Variants in ABCG8 observed in about 807,000 individuals in gnomAD.
The protein encoded by ABCG8 is ATP binding cassette subfamily G member 8.
Under a neutral mutation model 71.3 loss-of-function variants are expected in ABCG8, and 81 were observed. That is an observed-to-expected ratio of 1.14 (90% CI 0.95 to 1.37). The LOEUF (loss-of-function observed/expected upper bound fraction) is 1.37. Ranked by LOEUF, ABCG8 falls within the 40% of genes most tolerant of loss-of-function variation. The pLI is 0.00. For synonymous variants in ABCG8, 451 were observed against 354.7 expected, an observed-to-expected ratio of 1.27 and a Z score of -3.05; for missense variants, 1,119 against 866.2, an observed-to-expected ratio of 1.29 and a Z score of -3.66.
intron 6 of ABCG8, among the ~76,000 whole-genome samples, chr2:43,862,810 T>C (rs1669374347): frequency 6.6e-6 from 1 of 150,860 alleles, no homozygotes; most frequent in Admixed American, 6.6e-5. Flanking sequence ...ATTCTGATAA[T>C]CTGGTTAGCA....
rs1005004140 is a variant in ABCG8 at position 43,882,354 on chromosome 2, G to C, written c.*4441G>C. 6.6e-6 allele frequency: 1 copy of C among 152,322 alleles called. No homozygotes were observed. The highest frequency in any genetic ancestry group is 1.9e-4 in the East Asian group (1 of 5,192). 9.4% of individuals were successfully genotyped at this position (152,322 alleles called of 1,614,324 possible). A position where few individuals can be genotyped will look rare whatever the true frequency, so the allele number is the denominator to read the frequency against. The stretch of plus-strand genomic sequence containing the variant: ...AGTGTTAACAGACCTGGGACCAGGG[G>C]TTCCTCATAGTGGCTTAGCACAGCA... On this transcript the variant is annotated 3_prime_UTR_variant, in exon 13 of 13. Transcript: ENST00000272286.
Position 43,875,262 on chromosome 2 carries a change from G to A in ABCG8, c.1605G>A (p.Val535=). 4.3e-6 allele frequency: 7 copies of A among 1,614,236 alleles called. No homozygotes were observed. Among genetic ancestry groups the A allele is most frequent in the Non-Finnish European group, 5.9e-6 (7 of 1,180,038 alleles). The change falls in exon 11 of 13, where the codon GTG becomes GTA. Residue 535 remains valine, a synonymous_variant. Coordinates refer to ENST00000272286, the MANE Select transcript of ABCG8 (RefSeq NM_022437.3). ...LQPFLLHFLL[V]WLVVFCCRIM... ...CCTTCCTGCTGCACTTCCTGCTGGTGTGGCTGGTGGTCTTCTGTTGCAGGA... is the reference window on the plus strand; with the variant it reads ...CCTTCCTGCTGCACTTCCTGCTGGTATGGCTGGTGGTCTTCTGTTGCAGGA...
chr2:43,871,322 C>CACTATCTGGATAGAATTCTT (rs1330946383), intron 6 of ABCG8, among the ~76,000 whole-genome samples: 82 of 140,384 alleles, frequency 5.8e-4, no homozygotes, highest in African/African-American at 9.9e-4. Flanking sequence ...ATAGAACTCT[C>CACTATCTGGATAGAATTCTT]ACTCTCTGGA....
In ABCG8 at chr2:43,880,446, T is replaced by A. The variant is rs1670100027; in HGVS notation, c.*2533T>A. ...GCTTCGGCCTCCCAAAGTGTTGGGA[T>A]TACAGGTGTGACCCACCGCACCTGG... is the stretch of plus-strand genomic sequence containing the variant. On this transcript the variant is annotated 3_prime_UTR_variant, in exon 13 of 13. Coordinates refer to ENST00000272286, the MANE Select transcript of ABCG8 (RefSeq NM_022437.3). 2 of 152,194 alleles carry A rather than the reference T, an allele frequency of 1.3e-5. No individual in the cohort carries two copies. Among genetic ancestry groups the A allele is most frequent in the Admixed American group, 1.3e-4 (2 of 15,292 alleles). The allele number at this position is 152,194 out of a possible 1,614,324, so 9.4% of individuals were successfully genotyped here. A position where few individuals can be genotyped will look rare whatever the true frequency, so the allele number is the denominator to read the frequency against.
In ABCG8 at chr2:43,872,079, A is replaced by T; in HGVS notation, c.1068A>T (p.Leu356Phe). The T allele has an allele frequency of 6.2e-7, 1 of 1,614,136 alleles. No individual in the cohort carries two copies. Among genetic ancestry groups the T allele is most frequent in the Non-Finnish European group, 8.5e-7 (1 of 1,180,038 alleles). ...TGTTTCTAGAAAAAGTGCGTGACTT[A>T]GATGACTTTCTATGGAAAGCAGAGA... ...AALFLEKVRD[L>F]DDFLWKAETK... Residue 356 changes from leucine (L) to phenylalanine (F), a missense_variant, in exon 7 of 13, where the codon TTA (leucine) becomes TTT (phenylalanine). By Grantham distance (22) the Leu-to-Phe change is conservative. Transcript: ENST00000272286.
intron 1 of ABCG8, among the ~76,000 whole-genome samples, chr2:43,841,695 G>A (rs539640812): frequency 6.6e-6 from 1 of 152,040 alleles, no homozygotes; most frequent in Non-Finnish European, 1.5e-5. Context: ...AAGCAACCAG[G>A]CACCTCTCCC....
At chr2:43,872,708 C>CA (rs761403388) in intron 8 of ABCG8, among the ~76,000 whole-genome samples, 2 of 151,920 alleles carry the variant, frequency 1.3e-5, no homozygotes, top group East Asian at 1.9e-4. Flanking sequence ...GACCCCATCT[C>CA]AAAAAAAGGA....
chr2:43,877,991 C>T lies in ABCG8; in HGVS notation c.*78C>T. ...GCACTCCCTCCTCAGGAGCCCCTTC[C>T]TGGGGACAGTGAGGACAATGACCCT... On this transcript the variant is annotated 3_prime_UTR_variant, in exon 13 of 13. Transcript: ENST00000272286. 2 of 1,604,220 alleles carry T rather than the reference C, an allele frequency of 1.2e-6. No individual in the cohort carries two copies. Among genetic ancestry groups the T allele is most frequent in the East Asian group, 2.2e-5 (1 of 44,748 alleles).
At position 43,841,238 on chromosome 2, in the gene ABCG8, C is replaced by A. The variant is rs1270828846; in HGVS notation, c.63+2122C>A. On this transcript the variant is annotated intron_variant, in intron 1 of 12. Coordinates refer to ENST00000272286, the MANE Select transcript of ABCG8 (RefSeq NM_022437.3). ...TAGAAACATGTGCTCTGTGAGTTTC[C>A]TTCTTGCCTAGGCATCTGACTCAGG... Among the ~76,000 whole-genome samples, 7 of 152,342 alleles carry A rather than the reference C, an allele frequency of 4.6e-5. No homozygotes were observed. In the East Asian group the frequency reaches 1.3e-3, roughly 29 times the overall value.
intron 3 of ABCG8, chr2:43,846,616 T>A (rs1049087114): frequency 4.7e-5 from 19 of 400,668 alleles, no homozygotes; most frequent in African/African-American, 3.9e-4. Context: ...AGCTCCAGCA[T>A]GTAATGTTCT....
intron 2 of ABCG8, among the ~76,000 whole-genome samples, chr2:43,845,350 T>C (rs1668711823): frequency 6.6e-6 from 1 of 152,072 alleles, no homozygotes; most frequent in Non-Finnish European, 1.5e-5. Context: ...CCAATGAGCC[T>C]TTCTCTGCTC....
chr2:43,852,381 C>T lies in ABCG8; in HGVS notation c.589C>T (p.Leu197Phe). The T allele has an allele frequency of 1.2e-6, 2 of 1,612,332 alleles. No individual in the cohort carries two copies. Among genetic ancestry groups the T allele is most frequent in the Non-Finnish European group, 1.7e-6 (2 of 1,180,040 alleles). The change falls in exon 5 of 13, where the codon CTT becomes TTT. Residue 197 changes from leucine to phenylalanine, a missense_variant. Coordinates refer to ENST00000272286, the MANE Select transcript of ABCG8 (RefSeq NM_022437.3). ...GGAGGACGTGATCGCGGAGCTGCGG[C>T]TTAGGCAGTGCGCTGACACCCGCGT... ...RVEDVIAELR[L>F]RQCADTRVGN...
At chr2:43,864,989 T>C (rs1254160727) in intron 6 of ABCG8, among the ~76,000 whole-genome samples, 1 of 152,020 alleles carries the variant, frequency 6.6e-6, no homozygotes, top group Non-Finnish European at 1.5e-5. Flanking sequence ...TCTGACTATG[T>C]ATCTGGATAG....
intron 1 of ABCG8, among the ~76,000 whole-genome samples, chr2:43,840,570 T>A (rs1047140902): frequency 2.0e-5 from 3 of 152,196 alleles, no homozygotes; most frequent in Non-Finnish European, 2.9e-5. Context: ...GAGGGTCACA[T>A]TTCCTATGTC....
At chr2:43,846,430 T>C in intron 3 of ABCG8, 119 bp downstream of exon 3, 1 of 1,431,508 alleles carries the variant, frequency 7.0e-7, no homozygotes, top group Non-Finnish European at 9.7e-7. Flanking sequence ...TACAGCAGAA[T>C]GGCTGAGAAC....
At chr2:43,857,664 C>G (rs951103857) in intron 6 of ABCG8, among the ~76,000 whole-genome samples, 2 of 151,506 alleles carry the variant, frequency 1.3e-5, no homozygotes, top group Non-Finnish European at 3.0e-5. Flanking sequence ...AATTCTTACT[C>G]TCTGGACAAA....
intron 6 of ABCG8, among the ~76,000 whole-genome samples, chr2:43,868,470 C>G (rs1669614577): frequency 6.6e-6 from 1 of 152,210 alleles, no homozygotes; most frequent in East Asian, 1.9e-4. Context: ...GGATAGAATT[C>G]TGTCTCTGGA....
At chr2:43,858,702 C>A (rs902418531) in intron 6 of ABCG8, among the ~76,000 whole-genome samples, 1 of 150,754 alleles carries the variant, frequency 6.6e-6, no homozygotes, top group South Asian at 2.1e-4. Context: ...AGAACTCTCA[C>A]TATCTGGATA....
chr2:43,868,782 G>A (rs1669636963), intron 6 of ABCG8, among the ~76,000 whole-genome samples: 1 of 151,412 alleles, frequency 6.6e-6, no homozygotes, highest in South Asian at 2.1e-4. Context: ...CAATGTATCT[G>A]GATAGAATTG....
Sources: allele counts gnomAD v4.1 joint callset (sites outside exome capture counted in the v4.1 genomes callset), GRCh38; gene constraint gnomAD v4.1.1; transcripts MANE v1.5; gene names NCBI Gene and HGNC (gene_info 2026-07-23, HGNC 2026-07-21).